SLC30A5: variants seen among roughly 807,000 people sequenced by gnomAD.
The protein encoded by SLC30A5 is solute carrier family 30 member 5.
A neutral mutation model predicts 79.6 loss-of-function variants in SLC30A5; 33 were observed. The observed-to-expected ratio is 0.41, with a 90% CI of 0.31 to 0.55. The LOEUF is 0.55. Ranked by LOEUF, SLC30A5 falls within the 20% of genes least tolerant of loss-of-function variation. SLC30A5 has a pLI of 0.20. For synonymous variants in SLC30A5, 299 were observed against 319.7 expected (o/e 0.94, Z 0.69); for missense variants, 788 against 928.1 (o/e 0.85, Z 1.96).
chr5:69,106,582 G>C (rs1580171430), intron 4 of SLC30A5, among the ~76,000 whole-genome samples: 2 of 152,202 alleles, frequency 1.3e-5, no homozygotes, highest in South Asian at 4.1e-4. Flanking sequence ...GCCGAGGTGG[G>C]CAGATAGCTT....
chr5:69,128,199 G>A, intron 15 of SLC30A5, 67 bp downstream of exon 15: 1 of 1,042,246 alleles, frequency 9.6e-7, no homozygotes, highest in Non-Finnish European at 1.4e-6. Flanking sequence ...CACCTCATAA[G>A]TTATATGGCT....
chr5:69,118,712 T>G, intron 12 of SLC30A5, 84 bp downstream of exon 12: 2 of 1,223,756 alleles, frequency 1.6e-6, no homozygotes. Flanking sequence ...TTTGCAGTTA[T>G]TGCTCTAAGA....
In SLC30A5 at chr5:69,123,181, T is replaced by C. The variant is rs1317662479; in HGVS notation, c.1772-18T>C. 1 of 1,542,696 alleles carries C rather than the reference T, an allele frequency of 6.5e-7. No homozygotes were observed. Among genetic ancestry groups the C allele is most frequent in the Non-Finnish European group, 8.8e-7 (1 of 1,130,668 alleles). ...GATGTGCCTTAATTTTTAATGTCCT[T>C]ATATATTTTATTTGTAGGTGTATTT... is the stretch of plus-strand genomic sequence containing the variant. On this transcript the variant is annotated intron_variant, in intron 13 of 15. Transcript: ENST00000396591.
In SLC30A5 at chr5:69,101,022, TTTTG is replaced by T. The variant is rs1745901552; in HGVS notation, c.206+100_206+103del. 6 of 1,251,788 alleles carry T rather than the reference TTTTG, an allele frequency of 4.8e-6. No individual in the cohort carries two copies. In the South Asian group the frequency reaches 7.4e-5, roughly 16 times the overall value. The allele number at this position is 1,251,788 out of a possible 1,614,324, so 77.5% of individuals were successfully genotyped here. A position where few individuals can be genotyped will look rare whatever the true frequency, so the allele number is the denominator to read the frequency against. On this transcript the variant is annotated intron_variant, in intron 2 of 15. Transcript: ENST00000396591. ...TCTTTAAGAAACTTTACATACAATA[TTTTG>T]TTTGTTCCTCCTGACAAGTATTTGA...
At position 69,116,419 on chromosome 5, in the gene SLC30A5, T is replaced by A; in HGVS notation, c.1098T>A (p.Ser366=). The A allele has an allele frequency of 6.2e-7, 1 of 1,605,030 alleles. No homozygotes were observed. Among genetic ancestry groups the A allele is most frequent in the Non-Finnish European group, 8.5e-7 (1 of 1,177,480 alleles). The change falls in exon 10 of 16, where the codon TCT becomes TCA. Residue 366 remains serine (S), a synonymous_variant. Transcript: ENST00000396591. The surrounding 1 kb of genome is among the most constrained non-coding windows in gnomAD (Gnocchi z 4.0). ...CTGCCAATATCTTATCATCTCCCTCTAAGAGAGGACAAAAAGGTACCCTTA... is the reference window on the plus strand; with the variant it reads ...CTGCCAATATCTTATCATCTCCCTCAAAGAGAGGACAAAAAGGTACCCTTA... ...ILSANILSSP[S]KRGQKGTLIG...
At chr5:69,127,446 T>C (rs337252) in intron 14 of SLC30A5, among the ~76,000 whole-genome samples, 26,865 of 140,588 alleles carry the variant, frequency 0.19, 2,917 homozygotes, top group East Asian at 0.39. Flanking sequence ...CTGGGCAACA[T>C]GGTGAAACCC....
rs1746373855 is a variant in SLC30A5, at chr5:69,116,388, T to C, written c.1073-6T>C. On this transcript the variant is annotated splice_region_variant and splice_polypyrimidine_tract_variant and intron_variant, in intron 9 of 15. Transcript: ENST00000396591. This position sits in a 1 kb window ranked among gnomAD's most constrained non-coding sequence, Gnocchi z 4.0. ...ATTTAAACAATATTGTTTTTTCTCT[T>C]TGTAGCTGCCAATATCTTATCATCT... is the stretch of plus-strand genomic sequence containing the variant. 1.9e-6 allele frequency: 3 copies of C among 1,567,740 alleles called. No homozygotes were observed. Among genetic ancestry groups the C allele is most frequent in the Non-Finnish European group, 2.6e-6 (3 of 1,162,406 alleles).
chr5:69,122,295 G>A (rs1746557793), intron 13 of SLC30A5, among the ~76,000 whole-genome samples: 1 of 152,134 alleles, frequency 6.6e-6, no homozygotes, highest in Non-Finnish European at 1.5e-5. Flanking sequence ...TACTCAGGAG[G>A]CCGAGGCAGA....
At chr5:69,113,056 T>G in intron 5 of SLC30A5, 84 bp from the exon 6 acceptor site, 1 of 1,087,180 alleles carries the variant, frequency 9.2e-7, no homozygotes, top group Non-Finnish European at 1.3e-6. Flanking sequence ...TGAGAAAATG[T>G]TTTTCTTTAG....
In SLC30A5 at chr5:69,094,107, G is replaced by A. The variant is rs1745643967; in HGVS notation, c.-149G>A. On this transcript the variant is annotated 5_prime_UTR_variant, in exon 1 of 16. Transcript: ENST00000396591. ...TGTGTGCTAGTGAGCCGGAGCCGGC[G>A]ACGGCGGCAGTGGCGGCCCGGCCTG... is the stretch of plus-strand genomic sequence containing the variant. 1 of 418,764 alleles carries A rather than the reference G, an allele frequency of 2.4e-6. No homozygotes were observed. Among genetic ancestry groups the A allele is most frequent in the East Asian group, 3.6e-5 (1 of 28,002 alleles). 25.9% of individuals were successfully genotyped at this position (418,764 alleles called of 1,614,324 possible).
At position 69,122,881 on chromosome 5, in the gene SLC30A5, T is replaced by C. The variant is rs113167062; in HGVS notation, c.1772-318T>C. Among the ~76,000 whole-genome samples the C allele has an allele frequency of 5.8e-3, 880 of 152,240 alleles. 16 individuals are homozygous for C. Among genetic ancestry groups the C allele is most frequent in the African/African-American group, 0.02 (823 of 41,542 alleles). The stretch of plus-strand genomic sequence containing the variant: ...AGTACTAATCATTTATTTTGCTGAA[T>C]TGTTTATTCTGATTGCTTAATATAA... On this transcript the variant is annotated intron_variant, in intron 13 of 15. Transcript: ENST00000396591.
At chr5:69,110,208 G>A (rs1262139723) in intron 5 of SLC30A5, among the ~76,000 whole-genome samples, 1 of 152,032 alleles carries the variant, frequency 6.6e-6, no homozygotes. Context: ...TTCAAAACTT[G>A]CAAAACCCCC....
intron 8 of SLC30A5, 148 bp from the exon 9 acceptor site, chr5:69,115,778 C>T: frequency 2.8e-6 from 2 of 721,138 alleles, no homozygotes; most frequent in Non-Finnish European, 2.2e-6. Flanking sequence ...GAAAATGTAC[C>T]AATATCTTAT....
At chr5:69,118,747 A>G in intron 12 of SLC30A5, 119 bp downstream of exon 12, 1 of 690,640 alleles carries the variant, frequency 1.4e-6, no homozygotes, top group South Asian at 2.8e-5. Context: ...ACTTATATCA[A>G]CATAACTTCC....
intron 10 of SLC30A5, 52 bp from the exon 11 acceptor site, chr5:69,117,187 A>C (rs747653835): frequency 2.5e-5 from 37 of 1,483,902 alleles, no homozygotes; most frequent in Non-Finnish European, 3.3e-5. Context: ...AATCCTCCTA[A>C]TTGAAACAGT....
At chr5:69,129,263 T>A (rs1746785000) in intron 15 of SLC30A5, among the ~76,000 whole-genome samples, 184 bp from the exon 16 acceptor site, 1 of 152,170 alleles carries the variant, frequency 6.6e-6, no homozygotes, top group African/African-American at 2.4e-5. Flanking sequence ...TCCAAAATGC[T>A]CCAATGAGCA....
intron 1 of SLC30A5, among the ~76,000 whole-genome samples, chr5:69,099,473 G>A (rs1745845078): frequency 6.6e-6 from 1 of 152,140 alleles, no homozygotes; most frequent in South Asian, 2.1e-4. Flanking sequence ...CCTCGCCAGA[G>A]GCTAAGACTC....
chr5:69,094,896 G>A (rs748751854), intron 1 of SLC30A5, among the ~76,000 whole-genome samples: 1 of 151,930 alleles, frequency 6.6e-6, no homozygotes, highest in Non-Finnish European at 1.5e-5. Flanking sequence ...AATCTAAACA[G>A]CAAAGCAATT....
intron 13 of SLC30A5, among the ~76,000 whole-genome samples, 167 bp from the exon 14 acceptor site, chr5:69,123,032 A>G (rs1031816670): frequency 6.6e-6 from 1 of 152,214 alleles, no homozygotes; most frequent in Non-Finnish European, 1.5e-5. Context: ...TTACCACTGT[A>G]TTCTGAATTC....
Sources: allele counts gnomAD v4.1 joint callset (sites outside exome capture counted in the v4.1 genomes callset), GRCh38; gene constraint gnomAD v4.1.1; non-coding constraint Gnocchi (gnomAD v3.1); transcripts MANE v1.5; gene names NCBI Gene and HGNC (gene_info 2026-07-23, HGNC 2026-07-21).